RPH3A: variants seen among roughly 807,000 people sequenced by gnomAD.
RPH3A encodes the protein rabphilin 3A.
A neutral mutation model predicts 102.2 loss-of-function variants in RPH3A; 48 were observed. That is an observed-to-expected ratio of 0.47 (90% CI 0.37 to 0.60). The LOEUF is 0.60. Ranked by LOEUF, RPH3A falls within the 20% of genes least tolerant of loss-of-function variation. The probability of loss-of-function intolerance (pLI) is 0.00; values close to 1 mark genes in which losing one functional copy is unlikely to be tolerated. For synonymous variants in RPH3A, 310 were observed against 324.3 expected (o/e 0.96, Z 0.47); for missense variants, 781 against 910.1 (o/e 0.86, Z 1.83).
At chr12:112,801,943 G>A (rs907490689) in intron 2 of RPH3A, among the ~76,000 whole-genome samples, 6 of 152,042 alleles carry the variant, frequency 3.9e-5, no homozygotes, top group Non-Finnish European at 7.4e-5. Context: ...ATCCATCCAC[G>A]TTGCAAGGTG....
intron 1 of RPH3A, among the ~76,000 whole-genome samples, chr12:112,649,689 T>C (rs901413172): frequency 1.3e-5 from 2 of 152,356 alleles, no homozygotes; most frequent in African/African-American, 4.8e-5. Context: ...TCACCATTTG[T>C]ATTAGCCTGT....
At chr12:112,605,091 C>T (rs1002422572) in intron 1 of RPH3A, among the ~76,000 whole-genome samples, 1 of 152,126 alleles carries the variant, frequency 6.6e-6, no homozygotes, top group African/African-American at 2.4e-5. Context: ...CCACCACACT[C>T]AGGACAGGTG....
At chr12:112,827,678 G>A (rs17827346) in intron 2 of RPH3A, among the ~76,000 whole-genome samples, 10,360 of 152,038 alleles carry the variant, frequency 0.068, 521 homozygotes, top group Middle Eastern at 0.12. Flanking sequence ...TGGATGTAGA[G>A]TATTTTTTTT....
chr12:112,872,163 A>G (rs922264949), intron 10 of RPH3A, among the ~76,000 whole-genome samples: 3 of 152,124 alleles, frequency 2.0e-5, no homozygotes, highest in Non-Finnish European at 4.4e-5. Context: ...CCCACCAACA[A>G]TGCAAAAGGG....
At chr12:112,787,445 C>T (rs889316354), upstream of RPH3A, among the ~76,000 whole-genome samples, 7 of 152,186 alleles carry the variant, frequency 4.6e-5, no homozygotes, top group Admixed American at 4.6e-4. Flanking sequence ...CACTTGAGCT[C>T]TCCATGTCTG....
chr12:112,687,431 G>T (rs1034618653), intron 1 of RPH3A, among the ~76,000 whole-genome samples: 6 of 152,158 alleles, frequency 3.9e-5, no homozygotes, highest in African/African-American at 1.4e-4. Flanking sequence ...GGAAGTCAAA[G>T]ATTTTCCCAA....
At chr12:112,732,175 T>C (rs181514449) in intron 1 of RPH3A, among the ~76,000 whole-genome samples, 5 of 152,152 alleles carry the variant, frequency 3.3e-5, no homozygotes, top group Admixed American at 1.3e-4. Flanking sequence ...CTGTGGAGGC[T>C]TCTCAGAATG....
At chr12:112,731,610 A>C (rs1419489604) in intron 1 of RPH3A, among the ~76,000 whole-genome samples, 1 of 152,200 alleles carries the variant, frequency 6.6e-6, no homozygotes, top group Non-Finnish European at 1.5e-5. Flanking sequence ...GGCCCTCAAC[A>C]GCCTCCTGGG....
At chr12:112,724,819 A>C (rs973136567) in intron 1 of RPH3A, among the ~76,000 whole-genome samples, 2 of 152,122 alleles carry the variant, frequency 1.3e-5, no homozygotes, top group Admixed American at 6.5e-5. Context: ...AAATACAAAA[A>C]TTAGCCAGGC....
At chr12:112,629,249 G>A (rs1053055026) in intron 1 of RPH3A, among the ~76,000 whole-genome samples, 8 of 152,026 alleles carry the variant, frequency 5.3e-5, no homozygotes, top group Admixed American at 2.0e-4. Flanking sequence ...ATAGGGTATC[G>A]CCCTGTGATG....
At chr12:112,895,532 C>A in intron 20 of RPH3A, 2 of 433,290 alleles carry the variant, frequency 4.6e-6, no homozygotes, top group Admixed American at 3.3e-5. Flanking sequence ...ACCTCACCAG[C>A]CTTCCCAATT....
At chr12:112,717,743 G>A (rs1447602937) in intron 1 of RPH3A, among the ~76,000 whole-genome samples, 1 of 144,300 alleles carries the variant, frequency 6.9e-6, no homozygotes, top group Non-Finnish European at 1.5e-5. Context: ...TTTTTTTTTG[G>A]GTAATACCAA....
chr12:112,610,832 T>C (rs1364879394), intron 1 of RPH3A, among the ~76,000 whole-genome samples: 1 of 152,076 alleles, frequency 6.6e-6, no homozygotes, highest in East Asian at 1.9e-4. Flanking sequence ...GAGACAGGGT[T>C]TCACCGTGTT....
rs565370526 is a variant in RPH3A at position 112,834,868 on chromosome 12, T to C, written c.72-1623T>C. Among the ~76,000 whole-genome samples, 8 of 127,354 alleles carry C rather than the reference T, an allele frequency of 6.3e-5. No individual in the cohort carries two copies. The East Asian group carries it at 1.5e-3, about 24-fold the overall frequency. The allele number at this position is 127,354 out of a possible 152,430, so 83.5% of individuals were successfully genotyped here. On this transcript the variant is annotated intron_variant, in intron 3 of 21. Transcript: ENST00000389385. ...CCCTTGTGGATATACATGTTACAAA[T>C]ACTCTCTCCAAGTCTGTTACTTTCC...
Position 112,896,727 on chromosome 12 carries a change from A to G in RPH3A, c.2032A>G (p.Lys678Glu). 6.2e-7 allele frequency: 1 copy of G among 1,614,110 alleles called. No individual in the cohort carries two copies. The highest frequency in any genetic ancestry group is 8.5e-7 in the Non-Finnish European group (1 of 1,180,018). Residue 678 changes from lysine (K) to glutamate (E), a missense_variant, in exon 22 of 22, where the codon AAG (lysine) becomes GAG (glutamate). Physicochemically the swap from Lys to Glu is moderately conservative, Grantham distance 56. Transcript: ENST00000389385. ...WYECLKNKDK[K>E]IERWHQLQNE... is the part of the protein sequence containing the mutation. The stretch of plus-strand genomic sequence containing the variant: ...CGAGTGTCTGAAAAATAAAGACAAG[A>G]AGATAGAGCGCTGGCACCAGCTACA...
intron 2 of RPH3A, among the ~76,000 whole-genome samples, chr12:112,819,935 G>A (rs935559127): frequency 6.6e-5 from 10 of 152,362 alleles, no homozygotes; most frequent in Middle Eastern, 3.4e-3. Flanking sequence ...CTACTGTCCC[G>A]TTGGCCACAG....
At chr12:112,796,050 C>T (rs899515990) in intron 2 of RPH3A, among the ~76,000 whole-genome samples, 12 of 152,140 alleles carry the variant, frequency 7.9e-5, no homozygotes, top group Non-Finnish European at 1.2e-4. Flanking sequence ...TTCCCCACTG[C>T]AGTTCCCCAG....
intron 1 of RPH3A, among the ~76,000 whole-genome samples, chr12:112,677,779 C>T (rs1237952198): frequency 1.3e-5 from 2 of 152,076 alleles, no homozygotes; most frequent in African/African-American, 2.4e-5. Flanking sequence ...AGCAGCTAGC[C>T]TCGGCAGCCA....
At chr12:112,867,587 C>T (rs1021126660) in intron 7 of RPH3A, among the ~76,000 whole-genome samples, 1 of 152,096 alleles carries the variant, frequency 6.6e-6, no homozygotes, top group Non-Finnish European at 1.5e-5. Flanking sequence ...ACCCTAGCAC[C>T]AGCAAAAACA....
Sources: gnomAD v4.1 joint callset for allele counts (sites outside exome capture counted in the v4.1 genomes callset) on GRCh38, gnomAD v4.1.1 for gene constraint, MANE v1.5 for transcripts, NCBI Gene and HGNC (gene_info 2026-07-23, HGNC 2026-07-21) for gene names.